Variants in PRKN observed in about 807,000 individuals in gnomAD.
PRKN encodes E3 ubiquitin-protein ligase parkin.
In PRKN, 56 loss-of-function variants were observed where a neutral mutation model predicts 59.5. The observed-to-expected ratio is 0.94, with a 90% CI of 0.76 to 1.18. The LOEUF is 1.18. Among genes scored for constraint, PRKN ranks in the 50% most tolerant of loss-of-function variants. The pLI, the probability that PRKN is intolerant of heterozygous loss-of-function variation, is 0.00. For missense variants in PRKN, 657 were observed against 596.4 expected, an observed-to-expected ratio of 1.10 and a Z score of -1.06; for synonymous variants, 250 against 222.1, an observed-to-expected ratio of 1.13 and a Z score of -1.12.
At chr6:161,855,093 A>G (rs1793596225) in intron 6 of PRKN, among the ~76,000 whole-genome samples, 1 of 148,920 alleles carries the variant, frequency 6.7e-6, no homozygotes, top group Non-Finnish European at 1.5e-5. Context: ...AAAAAAAAAA[A>G]AAAAAGAAAA....
At chr6:162,447,481 CAT>C (rs1463367733) in intron 1 of PRKN, among the ~76,000 whole-genome samples, 2 of 152,048 alleles carry the variant, frequency 1.3e-5, no homozygotes, top group East Asian at 1.9e-4. Flanking sequence ...CATTATCAAT[CAT>C]GTGTATTATC....
At position 161,432,649 on chromosome 6, in the gene PRKN, T is replaced by C. The variant is rs1231398007; in HGVS notation, c.1084-45772A>G. ...TGCCCACCTCGGCCTCCCAAAGTGCTGGGATTACAGACATGAGCCACTGCA... is the reference window on the plus strand; with the variant it reads ...TGCCCACCTCGGCCTCCCAAAGTGCCGGGATTACAGACATGAGCCACTGCA... On this transcript the variant is annotated intron_variant, in intron 9 of 11. Coordinates refer to ENST00000366898, the MANE Select transcript of PRKN (RefSeq NM_004562.3). 2.6e-5 allele frequency among the ~76,000 whole-genome samples: 4 copies of C among 151,676 alleles called. No individual in the cohort carries two copies. The East Asian group carries it at 7.7e-4, about 29-fold the overall frequency.
At chr6:162,154,415 T>C (rs995273888) in intron 4 of PRKN, among the ~76,000 whole-genome samples, 2 of 151,962 alleles carry the variant, frequency 1.3e-5, no homozygotes, top group African/African-American at 4.8e-5. Context: ...AAATCTAATA[T>C]AGGTTTCTCA....
intron 7 of PRKN, among the ~76,000 whole-genome samples, chr6:161,717,925 T>C (rs1055052933): frequency 1.3e-5 from 2 of 152,100 alleles, no homozygotes; most frequent in African/African-American, 4.8e-5. Context: ...TCATTGTGCA[T>C]GAGAGTGAAG....
intron 1 of PRKN, among the ~76,000 whole-genome samples, chr6:162,486,460 G>A (rs1420254116): frequency 6.6e-6 from 1 of 152,128 alleles, no homozygotes; most frequent in East Asian, 1.9e-4. Flanking sequence ...CCCTTGGGGG[G>A]CCATTCCAGT....
At position 161,467,853 on chromosome 6, in the gene PRKN, G is replaced by T. The variant is rs1040661469; in HGVS notation, c.1084-80976C>A. On this transcript the variant is annotated intron_variant, in intron 9 of 11. Transcript: ENST00000366898. The surrounding 1 kb of genome is among the most constrained non-coding windows in gnomAD (Gnocchi z 4.3). ...TACATTCTCAGGAGGAATGGCCATGGCTCCCTTGTGACCATGGAGGTCCCA... is the reference window on the plus strand; with the variant it reads ...TACATTCTCAGGAGGAATGGCCATGTCTCCCTTGTGACCATGGAGGTCCCA... Among the ~76,000 whole-genome samples the T allele has an allele frequency of 2.0e-5, 3 of 152,214 alleles. No homozygotes were observed. The highest frequency in any genetic ancestry group is 7.2e-5 in the African/African-American group (3 of 41,538).
chr6:162,196,003 T>C (rs1451762763), intron 4 of PRKN, among the ~76,000 whole-genome samples: 1 of 152,240 alleles, frequency 6.6e-6, no homozygotes, highest in Non-Finnish European at 1.5e-5. Context: ...AGCCTTACTA[T>C]ATTTTAAGCC....
intron 2 of PRKN, among the ~76,000 whole-genome samples, chr6:162,352,253 C>T (rs1784655752): frequency 6.6e-6 from 1 of 152,166 alleles, no homozygotes; most frequent in East Asian, 1.9e-4. Flanking sequence ...AGAACCAGAA[C>T]TACTTTTTAT....
At chr6:161,949,002 G>A (rs887346093) in intron 6 of PRKN, among the ~76,000 whole-genome samples, 1 of 152,168 alleles carries the variant, frequency 6.6e-6, no homozygotes, top group Non-Finnish European at 1.5e-5. Context: ...AGAGGCTGGA[G>A]GGAAGTGGAC....
chr6:161,398,371 T>G (rs1786867020), intron 9 of PRKN, among the ~76,000 whole-genome samples: 1 of 152,130 alleles, frequency 6.6e-6, no homozygotes, highest in African/African-American at 2.4e-5. Context: ...CCCTAGAATG[T>G]GGTTCCCAGA....
chr6:161,689,098 T>C (rs748806961), intron 7 of PRKN, among the ~76,000 whole-genome samples: 1 of 152,082 alleles, frequency 6.6e-6, no homozygotes, highest in Non-Finnish European at 1.5e-5. Flanking sequence ...ATTTAATTCA[T>C]AGTCTCCTGG....
chr6:161,719,729 C>G (rs1787140487), intron 7 of PRKN, among the ~76,000 whole-genome samples: 1 of 151,994 alleles, frequency 6.6e-6, no homozygotes, highest in Non-Finnish European at 1.5e-5. Context: ...TGCGTTCAAG[C>G]CATCCTCCTG....
At chr6:162,003,519 A>G (rs1314755766) in intron 5 of PRKN, among the ~76,000 whole-genome samples, 2 of 152,208 alleles carry the variant, frequency 1.3e-5, no homozygotes, top group South Asian at 2.1e-4. Context: ...GTAGACATAT[A>G]CCCTTGGCTA....
chr6:162,503,453 C>T (rs1002862483), intron 1 of PRKN, among the ~76,000 whole-genome samples: 24 of 152,214 alleles, frequency 1.6e-4, no homozygotes, highest in African/African-American at 5.1e-4. Flanking sequence ...CATGAGCCAC[C>T]GTGCCTGGCC....
chr6:161,696,932 A>G (rs767708263), intron 7 of PRKN, among the ~76,000 whole-genome samples: 6 of 152,226 alleles, frequency 3.9e-5, no homozygotes, highest in Non-Finnish European at 7.3e-5. Context: ...TAAAGAGAAC[A>G]TGTAAGCCCT....
chr6:162,334,300 C>T (rs1335631900), intron 2 of PRKN, among the ~76,000 whole-genome samples: 3 of 152,296 alleles, frequency 2.0e-5, no homozygotes, highest in Non-Finnish European at 4.4e-5. Flanking sequence ...ACTTTCATAG[C>T]TAGAGAGGAA....
At chr6:162,716,177 A>C (rs1031107707) in intron 1 of PRKN, among the ~76,000 whole-genome samples, 2 of 152,174 alleles carry the variant, frequency 1.3e-5, no homozygotes, top group African/African-American at 4.8e-5. Flanking sequence ...TTAAAAACCA[A>C]ATTCTGCATT....
intron 1 of PRKN, among the ~76,000 whole-genome samples, chr6:162,622,784 GTT>G (rs753565232): frequency 1.3e-5 from 2 of 152,168 alleles, no homozygotes; most frequent in South Asian, 4.1e-4. Context: ...CATTCTGTGG[GTT>G]TCATGAGCGG....
chr6:161,720,592 C>A (rs1335179591), intron 7 of PRKN, among the ~76,000 whole-genome samples: 1 of 152,078 alleles, frequency 6.6e-6, no homozygotes, highest in Non-Finnish European at 1.5e-5. Context: ...AAGGGGCTCT[C>A]CATCCTACAG....
Sources: allele counts gnomAD v4.1 joint callset (sites outside exome capture counted in the v4.1 genomes callset), GRCh38; gene constraint gnomAD v4.1.1; non-coding constraint Gnocchi (gnomAD v3.1); transcripts MANE v1.5; gene names NCBI Gene and HGNC (gene_info 2026-07-23, HGNC 2026-07-21).